Variants in GRM7 observed in about 807,000 individuals in gnomAD.
GRM7 encodes glutamate metabotropic receptor 7, also known as metabotropic glutamate receptor 7.
Under a neutral mutation model 84.5 loss-of-function variants are expected in GRM7, and 35 were observed. The ratio of observed to expected loss-of-function variants is 0.41; its 90% CI spans 0.32 to 0.55. The LOEUF (loss-of-function observed/expected upper bound fraction) is 0.55, where lower values mean the gene tolerates loss of function less well. GRM7 is among the 20% of genes least tolerant of loss of function. GRM7 has a pLI of 0.19. For synonymous variants in GRM7, 487 were observed against 455.1 expected (o/e 1.07, Z -0.89); for missense variants, 1,003 against 1,194.6 (o/e 0.84, Z 2.36).
At chr3:7,161,126 C>A (rs1694609684) in intron 2 of GRM7, among the ~76,000 whole-genome samples, 1 of 152,092 alleles carries the variant, frequency 6.6e-6, no homozygotes, top group South Asian at 2.1e-4. Flanking sequence ...CAGCCTTAGG[C>A]TGGTAACTCC....
At chr3:7,491,951 A>G (rs1002532754) in intron 7 of GRM7, among the ~76,000 whole-genome samples, 1 of 152,152 alleles carries the variant, frequency 6.6e-6, no homozygotes, top group Non-Finnish European at 1.5e-5. Context: ...CCAGGCACCA[A>G]GGAGTGACGA....
chr3:7,335,830 T>C (rs574050067), intron 4 of GRM7, among the ~76,000 whole-genome samples: 1 of 151,810 alleles, frequency 6.6e-6, no homozygotes, highest in African/African-American at 2.4e-5. Context: ...TTCCTGGAAA[T>C]AAACAACCCT....
At chr3:7,453,049 C>A (rs1057458491) in intron 6 of GRM7, among the ~76,000 whole-genome samples, 1 of 141,056 alleles carries the variant, frequency 7.1e-6, no homozygotes, top group African/African-American at 2.7e-5. Context: ...TTTTTTTGCA[C>A]TATGCCAAAT....
intron 2 of GRM7, among the ~76,000 whole-genome samples, chr3:7,292,606 A>C (rs566953509): frequency 3.5e-4 from 54 of 152,250 alleles, no homozygotes; most frequent in South Asian, 6.2e-4. Context: ...TCCTTCAACT[A>C]TGATGAATAT....
rs114548510 is a variant in GRM7, at chr3:7,394,062, G to T, written c.1034-20961G>T. Among the ~76,000 whole-genome samples the T allele has an allele frequency of 5.4e-3, 819 of 151,920 alleles. 12 individuals carry two copies. The highest frequency in any genetic ancestry group is 0.019 in the African/African-American group (778 of 41,382). On this transcript the variant is annotated intron_variant, in intron 4 of 9. Coordinates refer to ENST00000357716, the MANE Select transcript of GRM7 (RefSeq NM_000844.4). ...CCTTTTTAAGTCATTATCATTCTTC[G>T]CATCTTAGAGATAAACCTCAGCTTA...
In GRM7 at chr3:7,478,550, CAGTG is replaced by C. The variant is rs58753917; in HGVS notation, c.1515+16831_1515+16834del. On this transcript the variant is annotated intron_variant, in intron 7 of 9. Transcript: ENST00000357716. Reference sequence around the variant, plus strand: ...CATTACATTTCAAATATTTAATAATCAGTGAGAGTTAGGGAGCAATCAATGAGTA... The same window carrying C: ...CATTACATTTCAAATATTTAATAATCAGAGTTAGGGAGCAATCAATGAGTA... Among the ~76,000 whole-genome samples the C allele has an allele frequency of 2.1e-3, 316 of 152,256 alleles. 1 individual carries two copies. Among genetic ancestry groups the C allele is most frequent in the African/African-American group, 7.3e-3 (302 of 41,534 alleles).
At chr3:7,479,554 A>G (rs568709187) in intron 7 of GRM7, among the ~76,000 whole-genome samples, 2 of 152,236 alleles carry the variant, frequency 1.3e-5, no homozygotes, top group East Asian at 3.9e-4. Flanking sequence ...TGTCTAACCT[A>G]TAGGGCCTTC....
intron 9 of GRM7, among the ~76,000 whole-genome samples, chr3:7,729,214 G>A (rs925633055): frequency 4.6e-5 from 7 of 152,126 alleles, no homozygotes; most frequent in African/African-American, 1.7e-4. Flanking sequence ...GGAATATACA[G>A]TGCACCAAAC....
At chr3:7,346,036 T>G (rs1372916628) in intron 4 of GRM7, among the ~76,000 whole-genome samples, 1 of 152,152 alleles carries the variant, frequency 6.6e-6, no homozygotes, top group African/African-American at 2.4e-5. Context: ...ATGGTGCAAA[T>G]TAAGAGTTAG....
intron 4 of GRM7, among the ~76,000 whole-genome samples, chr3:7,342,021 A>G (rs1692659998): frequency 6.6e-6 from 1 of 152,152 alleles, no homozygotes; most frequent in South Asian, 2.1e-4. Context: ...AAGTTCTCCT[A>G]AAAAATAAAT....
chr3:7,272,037 T>G (rs1334556101), intron 2 of GRM7, among the ~76,000 whole-genome samples: 1 of 152,178 alleles, frequency 6.6e-6, no homozygotes, highest in Non-Finnish European at 1.5e-5. Flanking sequence ...TACACATATT[T>G]TATTGAAAAA....
chr3:7,203,650 A>G (rs551030271), intron 2 of GRM7, among the ~76,000 whole-genome samples: 39 of 152,258 alleles, frequency 2.6e-4, no homozygotes, highest in Non-Finnish European at 5.4e-4. Context: ...TTCTATTTAT[A>G]GTTTTTTGAG....
chr3:6,926,126 A>T (rs761137263), intron 1 of GRM7, among the ~76,000 whole-genome samples: 1 of 152,176 alleles, frequency 6.6e-6, no homozygotes, highest in Non-Finnish European at 1.5e-5. Flanking sequence ...TGTAATTCTT[A>T]TGTCATAAAA....
intron 5 of GRM7, among the ~76,000 whole-genome samples, chr3:7,420,570 A>G (rs1696352969): frequency 6.6e-6 from 1 of 152,098 alleles, no homozygotes; most frequent in Admixed American, 6.6e-5. Flanking sequence ...TTATGTGTTA[A>G]TGTGGTTCTT....
rs71063284 is a variant in GRM7, at chr3:7,162,729, A to ATTTTTTTTTTT, written c.736+16099_736+16109dup. 9.3e-4 allele frequency among the ~76,000 whole-genome samples: 51 copies of ATTTTTTTTTTT among 54,714 alleles called. 7 individuals are homozygous for ATTTTTTTTTTT. Among genetic ancestry groups the ATTTTTTTTTTT allele is most frequent in the Admixed American group, 1.7e-3 (6 of 3,580 alleles). 35.9% of individuals were successfully genotyped at this position (54,714 alleles called of 152,430 possible). A position where few individuals can be genotyped will look rare whatever the true frequency, so the allele number is the denominator to read the frequency against. On this transcript the variant is annotated intron_variant, in intron 2 of 9. Coordinates refer to ENST00000357716, the MANE Select transcript of GRM7 (RefSeq NM_000844.4). ...CAATCTCCCATTACTCCCATTTTTCATTTTTTTTTTTTTTTTTTTTTTTTT... is the reference window on the plus strand; with the variant it reads ...CAATCTCCCATTACTCCCATTTTTCATTTTTTTTTTTTTTTTTTTTTTTTTTTTTTTTTTTT...
chr3:7,025,414 G>T (rs1272791045), intron 1 of GRM7, among the ~76,000 whole-genome samples: 2 of 152,156 alleles, frequency 1.3e-5, no homozygotes, highest in African/African-American at 4.8e-5. Context: ...AGACGTTAAG[G>T]GGTAGTTTGT....
At chr3:7,253,873 A>T (rs775875482) in intron 2 of GRM7, among the ~76,000 whole-genome samples, 4 of 152,150 alleles carry the variant, frequency 2.6e-5, no homozygotes, top group Non-Finnish European at 5.9e-5. Context: ...TTTCAGAGTC[A>T]ATTGATGAGA....
intron 4 of GRM7, among the ~76,000 whole-genome samples, chr3:7,346,356 A>C (rs1692894657): frequency 6.6e-6 from 1 of 152,180 alleles, no homozygotes; most frequent in South Asian, 2.1e-4. Flanking sequence ...TCCAAAAGTC[A>C]TCCGAAGGTC....
chr3:7,639,849 C>G (rs961009387), intron 8 of GRM7, among the ~76,000 whole-genome samples: 9 of 152,100 alleles, frequency 5.9e-5, no homozygotes, highest in Non-Finnish European at 1.3e-4. Flanking sequence ...TTTTTTATGT[C>G]CCTTTCTAGT....
Sources: allele counts gnomAD v4.1 joint callset (sites outside exome capture counted in the v4.1 genomes callset), GRCh38; gene constraint gnomAD v4.1.1; transcripts MANE v1.5; gene names NCBI Gene and HGNC (gene_info 2026-07-23, HGNC 2026-07-21).